Variants in KCNIP4 observed in about 807,000 individuals in gnomAD.
KCNIP4 encodes Kv channel-interacting protein 4.
Under a neutral mutation model 34.0 loss-of-function variants are expected in KCNIP4, and 12 were observed. The ratio of observed to expected loss-of-function variants is 0.35; its 90% confidence interval spans 0.23 to 0.57. The LOEUF (loss-of-function observed/expected upper bound fraction) is 0.57. Among genes scored for constraint, KCNIP4 ranks in the 20% least tolerant of loss-of-function variants. KCNIP4 has a pLI of 0.83. For missense variants in KCNIP4, 238 were observed against 311.7 expected (o/e 0.76, Z 1.78); for synonymous variants, 124 against 102.2 (o/e 1.21, Z -1.29).
chr4:20,806,440 T>C (rs972729710), intron 3 of KCNIP4, among the ~76,000 whole-genome samples: 3 of 152,070 alleles, frequency 2.0e-5, no homozygotes, highest in Non-Finnish European at 2.9e-5. Context: ...TATTTGACCA[T>C]AGTTTTCATC....
rs569900384 is a variant in KCNIP4 at position 21,516,874 on chromosome 4, G to A, written c.61+431697C>T. ...CTATCTGGGAAGAGTTTAGAAACATGAAGCTGTGTCTGGGAAGAGTTTGGA... is the reference window on the plus strand; with the variant it reads ...CTATCTGGGAAGAGTTTAGAAACATAAAGCTGTGTCTGGGAAGAGTTTGGA... On this transcript the variant is annotated intron_variant, in intron 1 of 8. Coordinates refer to ENST00000382152, the MANE Select transcript of KCNIP4 (RefSeq NM_025221.6). Among the ~76,000 whole-genome samples the A allele has an allele frequency of 3.5e-3, 535 of 152,282 alleles. 2 individuals are homozygous for A. Among genetic ancestry groups the A allele is most frequent in the Non-Finnish European group, 6.2e-3 (421 of 68,024 alleles).
intron 3 of KCNIP4, among the ~76,000 whole-genome samples, chr4:20,805,169 A>AAT (rs1714898535): frequency 6.6e-6 from 1 of 150,594 alleles, no homozygotes; most frequent in Admixed American, 6.7e-5. Context: ...CTAAGCAGAA[A>AAT]ATATCATAGA....
At chr4:21,123,026 T>A (rs187962608) in intron 1 of KCNIP4, among the ~76,000 whole-genome samples, 132 of 151,936 alleles carry the variant, frequency 8.7e-4, no homozygotes, top group East Asian at 3.7e-3. Flanking sequence ...CTGGCTAACA[T>A]GGTGAAACCC....
At chr4:21,184,059 G>A (rs1755039056) in intron 1 of KCNIP4, among the ~76,000 whole-genome samples, 1 of 152,074 alleles carries the variant, frequency 6.6e-6, no homozygotes. Flanking sequence ...GCAGTACAAA[G>A]CAGTGGTTAA....
chr4:20,947,734 A>T (rs1732335081), intron 1 of KCNIP4, among the ~76,000 whole-genome samples: 1 of 152,226 alleles, frequency 6.6e-6, no homozygotes, highest in Admixed American at 6.5e-5. Flanking sequence ...AACAGTCAAC[A>T]CTGACGTTGA....
At chr4:20,801,973 G>T (rs1030571125) in intron 3 of KCNIP4, among the ~76,000 whole-genome samples, 2 of 151,458 alleles carry the variant, frequency 1.3e-5, no homozygotes, top group South Asian at 4.2e-4. Flanking sequence ...GAGCAAGAGT[G>T]GCTACAGTTA....
chr4:21,456,522 G>T lies in KCNIP4; in HGVS notation c.61+492049C>A, dbSNP rs1414410798. 1.2e-4 allele frequency among the ~76,000 whole-genome samples: 17 copies of T among 147,340 alleles called. 4 individuals carry two copies. Among genetic ancestry groups the T allele is most frequent in the African/African-American group, 4.5e-4 (17 of 37,684 alleles). ...TTAAATCAACTTATTTTTTATGTCTGGCCCTAGTAATTATATCCATAAAGT... is the reference window on the plus strand; with the variant it reads ...TTAAATCAACTTATTTTTTATGTCTTGCCCTAGTAATTATATCCATAAAGT... On this transcript the variant is annotated intron_variant, in intron 1 of 8. Coordinates refer to ENST00000382152, the MANE Select transcript of KCNIP4 (RefSeq NM_025221.6).
intron 3 of KCNIP4, among the ~76,000 whole-genome samples, chr4:20,818,934 T>G (rs1246955662): frequency 1.4e-5 from 2 of 145,892 alleles, no homozygotes; most frequent in African/African-American, 5.1e-5. Context: ...TTTTTTTTTT[T>G]TTTTTTTTGA....
intron 1 of KCNIP4, among the ~76,000 whole-genome samples, chr4:21,557,132 G>A (rs28701860): frequency 0.028 from 4,291 of 151,882 alleles, 170 homozygotes; most frequent in African/African-American, 0.088. Context: ...AATGTGTTTC[G>A]TCATGTGACT....
intron 1 of KCNIP4, among the ~76,000 whole-genome samples, chr4:21,568,325 T>C (rs1740081334): frequency 6.6e-6 from 1 of 152,136 alleles, no homozygotes; most frequent in Non-Finnish European, 1.5e-5. Flanking sequence ...CTGATGTCCT[T>C]ATGAAAAGGA....
chr4:21,814,514 T>C (rs1578023502), intron 1 of KCNIP4, among the ~76,000 whole-genome samples: 2 of 152,148 alleles, frequency 1.3e-5, no homozygotes, highest in Non-Finnish European at 2.9e-5. Context: ...TCCACCATGA[T>C]TGTGAGGCCT....
chr4:20,941,774 G>A (rs1434400505), intron 1 of KCNIP4, among the ~76,000 whole-genome samples: 1 of 152,174 alleles, frequency 6.6e-6, no homozygotes, highest in Non-Finnish European at 1.5e-5. Flanking sequence ...AGAGAGTGAG[G>A]AGGAAATATT....
intron 1 of KCNIP4, among the ~76,000 whole-genome samples, chr4:21,522,549 T>A (rs1314651387): frequency 6.6e-6 from 1 of 151,946 alleles, no homozygotes; most frequent in Non-Finnish European, 1.5e-5. Context: ...TTATGACTAA[T>A]CCTTTCTACC....
chr4:21,510,075 C>A, intron 1 of KCNIP4, among the ~76,000 whole-genome samples: 1 of 104,960 alleles, frequency 9.5e-6, no homozygotes, highest in Admixed American at 9.9e-5. Context: ...AAAACTCCAT[C>A]TCCAAAAAAA....
chr4:21,605,435 C>T (rs1394139), intron 1 of KCNIP4, among the ~76,000 whole-genome samples: 104,457 of 152,038 alleles, frequency 0.69, 36,350 homozygotes, highest in East Asian at 0.9. Context: ...GCTTCTAGGG[C>T]GAGACCAATA....
At position 20,837,779 on chromosome 4, in the gene KCNIP4, T is replaced by C. The variant is rs187113957; in HGVS notation, c.288+12764A>G. Among the ~76,000 whole-genome samples, 252 of 151,308 alleles carry C rather than the reference T, an allele frequency of 1.7e-3. 1 individual carries two copies. Among genetic ancestry groups the C allele is most frequent in the Non-Finnish European group, 2.9e-3 (200 of 67,884 alleles). Reference sequence around the variant, plus strand: ...TCACTGCAACCTCTGCCTCCCAGGTTCAAGCAATTCTCATGCCTCAGCCTC... The same window carrying C: ...TCACTGCAACCTCTGCCTCCCAGGTCCAAGCAATTCTCATGCCTCAGCCTC... On this transcript the variant is annotated intron_variant, in intron 3 of 8. Transcript: ENST00000382152.
rs144956602 is a variant in KCNIP4, at chr4:21,052,382, G to A, written c.62-169673C>T. 9.0e-3 allele frequency among the ~76,000 whole-genome samples: 1,374 copies of A among 152,218 alleles called. 12 individuals carry two copies. The highest frequency in any genetic ancestry group is 0.012 in the Non-Finnish European group (836 of 68,002). ...ACCTCCTGATATTGTATATAAAATT[G>A]TGAATTTTCCTGGAGTTAGACTACA... On this transcript the variant is annotated intron_variant, in intron 1 of 8. Coordinates refer to ENST00000382152, the MANE Select transcript of KCNIP4 (RefSeq NM_025221.6).
chr4:21,647,847 T>C (rs2108963837), intron 1 of KCNIP4, among the ~76,000 whole-genome samples: 1 of 146,326 alleles, frequency 6.8e-6, no homozygotes, highest in East Asian at 2.1e-4. Flanking sequence ...TTGGAAGACA[T>C]TCTGCTACAA....
chr4:21,733,446 T>C (rs1333003938), intron 1 of KCNIP4, among the ~76,000 whole-genome samples: 1 of 152,144 alleles, frequency 6.6e-6, no homozygotes, highest in Non-Finnish European at 1.5e-5. Context: ...CACACACACA[T>C]ATACGCACCA....
Sources: gnomAD v4.1 joint callset for allele counts (sites outside exome capture counted in the v4.1 genomes callset) on GRCh38, gnomAD v4.1.1 for gene constraint, MANE v1.5 for transcripts, NCBI Gene and HGNC (gene_info 2026-07-23, HGNC 2026-07-21) for gene names.